The following LINGO2 variants were observed in gnomAD, a reference collection of about 807,000 sequenced individuals.
LINGO2 encodes the protein leucine-rich repeat and immunoglobulin-like domain-containing nogo receptor-interacting protein 2.
LINGO2 carries 14 observed loss-of-function variants against 30.6 expected under a neutral mutation model. The observed-to-expected ratio is 0.46, with a 90% CI of 0.30 to 0.72. LINGO2 has a LOEUF of 0.72. Among genes scored for constraint, LINGO2 ranks in the 30% least tolerant of loss-of-function variants. The pLI is 0.07. For missense variants in LINGO2, 729 were observed against 751.7 expected, an observed-to-expected ratio of 0.97 and a Z score of 0.35; for synonymous variants, 317 against 288.5, an observed-to-expected ratio of 1.10 and a Z score of -1.00.
the LINGO2 span, among the ~76,000 whole-genome samples, chr9:28,955,706 T>A: frequency 6.6e-6 from 1 of 152,158 alleles, no homozygotes; most frequent in Non-Finnish European, 1.5e-5. Flanking sequence ...ACTAAACATA[T>A]AATTTTCCCT....
chr9:28,193,082 G>C (rs1168818064), intron 4 of LINGO2, among the ~76,000 whole-genome samples: 2 of 152,160 alleles, frequency 1.3e-5, no homozygotes, highest in Non-Finnish European at 2.9e-5. Flanking sequence ...GAGGAATCAA[G>C]ATGAAAAGAT....
At chr9:29,111,403 C>T in the LINGO2 span, among the ~76,000 whole-genome samples, 31 of 152,054 alleles carry the variant, frequency 2.0e-4, no homozygotes, top group African/African-American at 6.3e-4. Flanking sequence ...TCTGTAGTCT[C>T]TCCACAAGTC....
the LINGO2 span, among the ~76,000 whole-genome samples, chr9:28,704,669 A>G: frequency 6.6e-6 from 1 of 152,036 alleles, no homozygotes; most frequent in Non-Finnish European, 1.5e-5. Context: ...GAGATTCTTC[A>G]ACCATTCTCA....
At chr9:28,898,997 G>C in the LINGO2 span, among the ~76,000 whole-genome samples, 174 of 152,246 alleles carry the variant, frequency 1.1e-3, 1 homozygote, top group African/African-American at 4.1e-3. Flanking sequence ...TCAGCAATAG[G>C]TGGAGTAGGA....
chr9:29,114,184 T>A, the LINGO2 span, among the ~76,000 whole-genome samples: 2 of 151,652 alleles, frequency 1.3e-5, no homozygotes, highest in African/African-American at 2.4e-5. Flanking sequence ...ATATATATTT[T>A]TTTTAAGCAA....
the LINGO2 span, among the ~76,000 whole-genome samples, chr9:29,100,538 G>A: frequency 6.6e-6 from 1 of 151,368 alleles, no homozygotes; most frequent in Non-Finnish European, 1.5e-5. Flanking sequence ...AAGTTACAAT[G>A]AACCAAGATT....
chr9:28,427,780 C>T (rs906859904), intron 2 of LINGO2, among the ~76,000 whole-genome samples: 5 of 152,030 alleles, frequency 3.3e-5, no homozygotes, highest in Admixed American at 3.3e-4. Context: ...AAAGCTGTGC[C>T]AGGAAACATC....
At chr9:28,101,578 G>A (rs866535736) in intron 4 of LINGO2, among the ~76,000 whole-genome samples, 2 of 152,062 alleles carry the variant, frequency 1.3e-5, no homozygotes, top group Non-Finnish European at 2.9e-5. Flanking sequence ...TAAATTCCTG[G>A]GGATTTCTCC....
intron 2 of LINGO2, among the ~76,000 whole-genome samples, chr9:28,427,731 C>A (rs11999408): frequency 1.3e-5 from 2 of 151,850 alleles, no homozygotes; most frequent in Non-Finnish European, 2.9e-5. Flanking sequence ...ACAATGTGTT[C>A]GTTCCAAAGG....
chr9:28,265,963 T>A (rs1587355407), intron 4 of LINGO2, among the ~76,000 whole-genome samples: 2 of 152,090 alleles, frequency 1.3e-5, no homozygotes, highest in East Asian at 1.9e-4. Context: ...GGGACCAGAA[T>A]CTGAGATGAT....
exon 6 of LINGO2, chr9:27,949,585 G>A: frequency 6.2e-7 from 1 of 1,614,058 alleles, no homozygotes; most frequent in East Asian, 2.2e-5. Context: ...ATCCAGAGAA[G>A]GCGGCAGTCA....
At chr9:28,161,585 G>A (rs998327304) in intron 4 of LINGO2, among the ~76,000 whole-genome samples, 4 of 152,008 alleles carry the variant, frequency 2.6e-5, no homozygotes, top group African/African-American at 9.7e-5. Flanking sequence ...CCTCTTAAGG[G>A]TAAAAAATAG....
intron 2 of LINGO2, among the ~76,000 whole-genome samples, chr9:28,474,819 A>G (rs1473514568): frequency 6.6e-6 from 1 of 152,192 alleles, no homozygotes; most frequent in Non-Finnish European, 1.5e-5. Context: ...TTTGCAAACA[A>G]TAACTGGTCT....
intron 4 of LINGO2, among the ~76,000 whole-genome samples, chr9:28,285,946 T>A (rs1823491912): frequency 6.6e-6 from 1 of 152,156 alleles, no homozygotes; most frequent in Non-Finnish European, 1.5e-5. Context: ...TCACAACATG[T>A]AGACCTTATT....
intron 4 of LINGO2, among the ~76,000 whole-genome samples, chr9:28,065,950 A>T (rs1050133232): frequency 9.9e-5 from 15 of 152,108 alleles, no homozygotes; most frequent in Non-Finnish European, 2.2e-4. Context: ...ACACATACAC[A>T]CATGCATATA....
At chr9:28,952,527 G>T in the LINGO2 span, among the ~76,000 whole-genome samples, 1 of 152,052 alleles carries the variant, frequency 6.6e-6, no homozygotes, top group South Asian at 2.1e-4. Context: ...CTAGTGACTT[G>T]TTTGCCCACT....
At chr9:28,007,815 G>T (rs10968273) in intron 5 of LINGO2, among the ~76,000 whole-genome samples, 1 of 152,072 alleles carries the variant, frequency 6.6e-6, no homozygotes, top group Non-Finnish European at 1.5e-5. Flanking sequence ...AAGTGACCTG[G>T]TGTGAAAGTC....
chr9:28,357,670 G>A (rs553835386), intron 3 of LINGO2, among the ~76,000 whole-genome samples: 9 of 152,110 alleles, frequency 5.9e-5, no homozygotes, highest in African/African-American at 2.2e-4. Context: ...TGTAGTAAAT[G>A]ATATTTCAAC....
chr9:28,540,748 C>T (rs758831717), intron 1 of LINGO2, among the ~76,000 whole-genome samples: 2 of 152,142 alleles, frequency 1.3e-5, no homozygotes, highest in Non-Finnish European at 2.9e-5. Flanking sequence ...CAGAGTTTAA[C>T]GATTACATTA....
Sources: gnomAD v4.1 joint callset for allele counts (sites outside exome capture counted in the v4.1 genomes callset) on GRCh38, gnomAD v4.1.1 for gene constraint, MANE v1.5 for transcripts, NCBI Gene and HGNC (gene_info 2026-07-23, HGNC 2026-07-21) for gene names.